UBE3D: variants seen among roughly 807,000 people sequenced by gnomAD.
The protein encoded by UBE3D is E3 ubiquitin-protein ligase E3D.
Under a neutral mutation model 49.6 loss-of-function variants are expected in UBE3D, and 48 were observed. The ratio of observed to expected loss-of-function variants is 0.97; its 90% CI spans 0.77 to 1.23. The LOEUF is 1.23. Among genes scored for constraint, UBE3D ranks in the 50% most tolerant of loss-of-function variants. UBE3D has a pLI of 0.00. For missense variants in UBE3D, 452 were observed against 468.4 expected, an observed-to-expected ratio of 0.96 and a Z score of 0.32; for synonymous variants, 189 against 174.2, an observed-to-expected ratio of 1.08 and a Z score of -0.67.
intron 4 of UBE3D, among the ~76,000 whole-genome samples, chr6:83,043,623 C>T (rs1782825012): frequency 6.6e-6 from 1 of 152,124 alleles, no homozygotes; most frequent in Admixed American, 6.5e-5. Context: ...TGCAGTCGCT[C>T]AGTTATTATT....
intron 3 of UBE3D, among the ~76,000 whole-genome samples, chr6:83,050,992 T>C (rs549119860): frequency 1.1e-4 from 17 of 152,238 alleles, no homozygotes; most frequent in South Asian, 8.3e-4. Context: ...ACCTGCAGAG[T>C]ATGTGAATCA....
chr6:82,926,704 A>T (rs1451305329), intron 9 of UBE3D, among the ~76,000 whole-genome samples: 1 of 152,022 alleles, frequency 6.6e-6, no homozygotes, highest in African/African-American at 2.4e-5. Flanking sequence ...GTATCTTTTC[A>T]TATGTTTATT....
chr6:83,003,851 T>C (rs141875404), intron 8 of UBE3D, among the ~76,000 whole-genome samples: 42 of 152,298 alleles, frequency 2.8e-4, no homozygotes, highest in African/African-American at 9.4e-4. Flanking sequence ...AAGGAGATAT[T>C]TGCCATTTAC....
rs540980790 is a variant in UBE3D at position 82,976,153 on chromosome 6, G to A, written c.1011-18703C>T. Among the ~76,000 whole-genome samples the A allele has an allele frequency of 3.7e-4, 56 of 152,240 alleles. No homozygotes were observed. In the South Asian group the frequency reaches 0.012, roughly 32 times the overall value. On this transcript the variant is annotated intron_variant, in intron 8 of 9. Transcript: ENST00000369747. ...TTAGCACTTGGCAGAAACAAACCGG[G>A]GAATGTGGCTTCTTTGGAGATCGGT...
In UBE3D at chr6:83,065,802, G is replaced by T; in HGVS notation, c.-84C>A. The T allele has an allele frequency of 1.4e-6, 2 of 1,393,862 alleles. No homozygotes were observed. The highest frequency in any genetic ancestry group is 2.0e-6 in the Non-Finnish European group (2 of 1,011,408). 86.3% of individuals were successfully genotyped at this position (1,393,862 alleles called of 1,614,324 possible). ...AGGACCAGGAGAGGTTCCACGTGCG[G>T]ACCAACCAGCGGCAGCCCCGCTGCG... On this transcript the variant is annotated 5_prime_UTR_variant, in exon 1 of 10. Coordinates refer to ENST00000369747, the MANE Select transcript of UBE3D (RefSeq NM_198920.3).
intron 4 of UBE3D, among the ~76,000 whole-genome samples, chr6:83,043,556 G>C (rs932432689): frequency 7.2e-5 from 11 of 152,042 alleles, no homozygotes; most frequent in Non-Finnish European, 1.5e-4. Flanking sequence ...ATCTCCCTCA[G>C]AATAGTTCTA....
chr6:82,964,525 T>C (rs1236435122), intron 8 of UBE3D, among the ~76,000 whole-genome samples: 1 of 152,168 alleles, frequency 6.6e-6, no homozygotes, highest in East Asian at 1.9e-4. Flanking sequence ...TCTTCAACCC[T>C]AGAAGAACCT....
At chr6:82,990,241 AT>A (rs1473360136) in intron 8 of UBE3D, among the ~76,000 whole-genome samples, 3 of 152,170 alleles carry the variant, frequency 2.0e-5, no homozygotes, top group African/African-American at 7.2e-5. Flanking sequence ...ACAGGAAAAA[AT>A]TAAACTGAAA....
chr6:83,064,057 G>T (rs992562890), intron 1 of UBE3D, among the ~76,000 whole-genome samples: 2 of 152,152 alleles, frequency 1.3e-5, no homozygotes, highest in Non-Finnish European at 2.9e-5. Context: ...CAAGAAAAAG[G>T]AATGGACTAC....
chr6:83,011,959 A>G (rs1780366730), intron 8 of UBE3D, among the ~76,000 whole-genome samples: 1 of 152,162 alleles, frequency 6.6e-6, no homozygotes, highest in Admixed American at 6.5e-5. Flanking sequence ...GGCCTTCTGG[A>G]GAACTTTGCC....
chr6:82,905,047 A>G (rs1772001560), intron 9 of UBE3D, among the ~76,000 whole-genome samples: 1 of 152,126 alleles, frequency 6.6e-6, no homozygotes, highest in African/African-American at 2.4e-5. Flanking sequence ...GACATAATCC[A>G]CTCCTGAGAA....
chr6:82,999,595 G>T (rs189099191), intron 8 of UBE3D, among the ~76,000 whole-genome samples: 1 of 152,164 alleles, frequency 6.6e-6, no homozygotes, highest in African/African-American at 2.4e-5. Context: ...ATGTTGGCCA[G>T]GCTGGTCTTG....
In UBE3D at chr6:82,947,517, T is replaced by G. The variant is rs555310091; in HGVS notation, c.1149+9795A>C. Reference sequence around the variant, plus strand: ...ATATTTTTTAAATTTTTAATTTCTTTTCTTTTCTTTTCTTTTTCTTGCCCT... The same window carrying G: ...ATATTTTTTAAATTTTTAATTTCTTGTCTTTTCTTTTCTTTTTCTTGCCCT... On this transcript the variant is annotated intron_variant, in intron 9 of 9. Transcript: ENST00000369747. 2.9e-3 allele frequency among the ~76,000 whole-genome samples: 436 copies of G among 152,056 alleles called. 4 individuals are homozygous for G. The highest frequency in any genetic ancestry group is 9.3e-3 in the African/African-American group (387 of 41,554).
chr6:82,895,518 G>C (rs1174113773), intron 9 of UBE3D, among the ~76,000 whole-genome samples: 1 of 152,080 alleles, frequency 6.6e-6, no homozygotes, highest in South Asian at 2.1e-4. Context: ...CTAAAACAAA[G>C]AATTATCAGC....
At chr6:82,957,241 G>T (rs1049138851) in intron 9 of UBE3D, 71 bp downstream of exon 9, 2 of 1,530,384 alleles carry the variant, frequency 1.3e-6, no homozygotes, top group African/African-American at 1.4e-5. Flanking sequence ...TCCTGTGAAA[G>T]AGAGGATCCT....
intron 3 of UBE3D, among the ~76,000 whole-genome samples, chr6:83,046,127 G>A (rs1357629094): frequency 6.6e-6 from 1 of 152,040 alleles, no homozygotes; most frequent in African/African-American, 2.4e-5. Flanking sequence ...TGATAACTTC[G>A]TTAAGGTGAT....
At chr6:82,911,199 A>G in intron 9 of UBE3D, among the ~76,000 whole-genome samples, 1 of 146,808 alleles carries the variant, frequency 6.8e-6, no homozygotes, top group South Asian at 2.2e-4. Context: ...ATTTTGGCAA[A>G]AAAAAAAAAA....
intron 9 of UBE3D, among the ~76,000 whole-genome samples, chr6:82,939,274 G>A (rs1774826128): frequency 6.6e-6 from 1 of 152,214 alleles, no homozygotes; most frequent in South Asian, 2.1e-4. Flanking sequence ...CAGATGGACT[G>A]AATTGGGCTA....
At chr6:83,036,464 T>A (rs1335988451) in intron 5 of UBE3D, 1 of 152,136 alleles carries the variant, frequency 6.6e-6, no homozygotes, top group East Asian at 1.9e-4. Flanking sequence ...GGAAGCAATA[T>A]TAGTTTATTT....
Sources: gnomAD v4.1 joint callset for allele counts (sites outside exome capture counted in the v4.1 genomes callset) on GRCh38, gnomAD v4.1.1 for gene constraint, MANE v1.5 for transcripts, NCBI Gene and HGNC (gene_info 2026-07-23, HGNC 2026-07-21) for gene names.